The following SLC4A10 variants were observed in gnomAD, a reference collection of about 807,000 sequenced individuals.
SLC4A10 encodes the protein solute carrier family 4 member 10.
A neutral mutation model predicts 137.7 loss-of-function variants in SLC4A10; 42 were observed. That is an observed-to-expected ratio of 0.30 (90% CI 0.24 to 0.39). SLC4A10 has a LOEUF of 0.39. Ranked by LOEUF, SLC4A10 falls within the 10% of genes least tolerant of loss-of-function variation. The pLI is 1.00. For missense variants in SLC4A10, 925 were observed against 1,355.0 expected (o/e 0.68, Z 4.98); for synonymous variants, 474 against 464.1 (o/e 1.02, Z -0.27).
At chr2:161,669,594 G>C (rs886174719) in intron 1 of SLC4A10, among the ~76,000 whole-genome samples, 2 of 151,892 alleles carry the variant, frequency 1.3e-5, no homozygotes, top group Non-Finnish European at 2.9e-5. Flanking sequence ...TCATTTTATA[G>C]TGATGGACAA....
At chr2:161,789,035 G>A (rs920079300) in intron 2 of SLC4A10, among the ~76,000 whole-genome samples, 6 of 152,218 alleles carry the variant, frequency 3.9e-5, no homozygotes, top group African/African-American at 1.2e-4. Context: ...GTTTGCAGGG[G>A]ATCTTGTAGT....
intron 1 of SLC4A10, among the ~76,000 whole-genome samples, chr2:161,759,943 A>G (rs1052718740): frequency 2.0e-5 from 3 of 151,846 alleles, no homozygotes; most frequent in African/African-American, 7.2e-5. Flanking sequence ...TACAGATATT[A>G]TTTTATTGTC....
chr2:161,797,699 C>A (rs979527078), intron 2 of SLC4A10, among the ~76,000 whole-genome samples: 6 of 151,908 alleles, frequency 3.9e-5, no homozygotes. Context: ...ATATTAAATG[C>A]TTATTATGTT....
chr2:161,763,818 G>A (rs1173701748), intron 1 of SLC4A10, among the ~76,000 whole-genome samples: 6 of 152,074 alleles, frequency 3.9e-5, no homozygotes, highest in Admixed American at 6.6e-5. Flanking sequence ...AGATTTATAA[G>A]GGTTAATAGA....
intron 3 of SLC4A10, among the ~76,000 whole-genome samples, chr2:161,807,721 T>C (rs1383014044): frequency 6.6e-6 from 1 of 152,186 alleles, no homozygotes; most frequent in Non-Finnish European, 1.5e-5. Flanking sequence ...TTAGTTTTCT[T>C]CATACCTTTA....
At chr2:161,729,912 A>G (rs1490241350) in intron 1 of SLC4A10, among the ~76,000 whole-genome samples, 2 of 152,194 alleles carry the variant, frequency 1.3e-5, no homozygotes, top group Non-Finnish European at 2.9e-5. Context: ...TTTTATTTGT[A>G]ACACTGAGTT....
Position 161,651,813 on chromosome 2 carries a change from G to C in SLC4A10, c.48+27247G>C, listed in dbSNP as rs182886194. Among the ~76,000 whole-genome samples, 313 of 102,546 alleles carry C rather than the reference G, an allele frequency of 3.1e-3. 1 individual carries two copies. The highest frequency in any genetic ancestry group is 9.4e-3 in the African/African-American group (295 of 31,392). 67.3% of individuals were successfully genotyped at this position (102,546 alleles called of 152,430 possible). A position where few individuals can be genotyped will look rare whatever the true frequency, so the allele number is the denominator to read the frequency against. On this transcript the variant is annotated intron_variant, in intron 1 of 26. Coordinates refer to ENST00000446997, the MANE Select transcript of SLC4A10 (RefSeq NM_001178015.2). ...ACACACACATCCCTCCCTGCTCTGC[G>C]CCTAGCTTGCCCTTGGCAGGTGTGG...
chr2:161,895,758 T>C (rs1016387964), intron 11 of SLC4A10, among the ~76,000 whole-genome samples: 2 of 152,000 alleles, frequency 1.3e-5, no homozygotes, highest in African/African-American at 4.8e-5. Context: ...TTTGATGGGG[T>C]TGTTTGTTTT....
intron 1 of SLC4A10, among the ~76,000 whole-genome samples, chr2:161,714,086 C>T (rs1321181994): frequency 6.6e-6 from 1 of 151,926 alleles, no homozygotes; most frequent in Non-Finnish European, 1.5e-5. Context: ...AGGTGCTCAT[C>T]TGACTCTATT....
At chr2:161,784,922 A>G (rs73017156) in intron 2 of SLC4A10, among the ~76,000 whole-genome samples, 2,969 of 151,626 alleles carry the variant, frequency 0.02, 99 homozygotes, top group African/African-American at 0.067. Context: ...AACAAAATAG[A>G]TAATAGAAAA....
intron 25 of SLC4A10, 29 bp downstream of exon 25, chr2:161,976,905 T>C: frequency 8.3e-6 from 10 of 1,197,684 alleles, no homozygotes; most frequent in Non-Finnish European, 1.2e-5. Flanking sequence ...TGAGAATTTA[T>C]ACTAATTCCA....
intron 15 of SLC4A10, among the ~76,000 whole-genome samples, chr2:161,915,805 A>G (rs1264983376): frequency 6.6e-6 from 1 of 152,184 alleles, no homozygotes; most frequent in Non-Finnish European, 1.5e-5. Context: ...GTGAAGGGAG[A>G]AAGAAAATAT....
chr2:161,872,033 A>G (rs2061161192), intron 6 of SLC4A10, among the ~76,000 whole-genome samples: 1 of 152,182 alleles, frequency 6.6e-6, no homozygotes, highest in African/African-American at 2.4e-5. Context: ...TATTTTGTAG[A>G]TAATCCTTAT....
intron 15 of SLC4A10, among the ~76,000 whole-genome samples, chr2:161,914,426 T>A (rs1358837252): frequency 1.3e-5 from 2 of 152,198 alleles, no homozygotes; most frequent in African/African-American, 4.8e-5. Context: ...CGAAACATGT[T>A]CTGTAAAGAA....
At chr2:161,842,813 C>A (rs2059265974) in intron 4 of SLC4A10, among the ~76,000 whole-genome samples, 2 of 152,050 alleles carry the variant, frequency 1.3e-5, no homozygotes, top group Admixed American at 1.3e-4. Flanking sequence ...AATATAAGAT[C>A]ATTTTTTCCA....
chr2:161,874,017 C>T lies in SLC4A10; in HGVS notation c.948+12C>T. On this transcript the variant is annotated intron_variant, in intron 8 of 26. Transcript: ENST00000446997. Reference sequence around the variant, plus strand: ...AGCAAGAGAGAGAGGTGAGGGCATACTCGGGCTCTATTTCTACAGTGGTTC... The same window carrying T: ...AGCAAGAGAGAGAGGTGAGGGCATATTCGGGCTCTATTTCTACAGTGGTTC... The T allele has an allele frequency of 6.3e-7, 1 of 1,578,322 alleles. No homozygotes were observed. Among genetic ancestry groups the T allele is most frequent in the Non-Finnish European group, 8.6e-7 (1 of 1,169,372 alleles).
At chr2:161,860,430 T>G (rs549719224) in intron 5 of SLC4A10, among the ~76,000 whole-genome samples, 1 of 152,310 alleles carries the variant, frequency 6.6e-6, no homozygotes, top group African/African-American at 2.4e-5. Context: ...AATATTGAAC[T>G]GGGAATTCAT....
chr2:161,672,558 A>G (rs1482276659), intron 1 of SLC4A10, among the ~76,000 whole-genome samples: 4 of 151,802 alleles, frequency 2.6e-5, no homozygotes, highest in African/African-American at 9.7e-5. Flanking sequence ...GATTGACTGA[A>G]TTATATCTTT....
intron 12 of SLC4A10, among the ~76,000 whole-genome samples, chr2:161,903,270 T>C (rs1683534129): frequency 6.6e-6 from 1 of 152,214 alleles, no homozygotes; most frequent in African/African-American, 2.4e-5. Flanking sequence ...AAGGTCACTA[T>C]TGTCTTGTGA....
Sources: allele counts gnomAD v4.1 joint callset (sites outside exome capture counted in the v4.1 genomes callset), GRCh38; gene constraint gnomAD v4.1.1; transcripts MANE v1.5; gene names NCBI Gene and HGNC (gene_info 2026-07-23, HGNC 2026-07-21).